The following TMEM163 variants were observed in gnomAD, a reference collection of about 807,000 sequenced individuals.
The protein encoded by TMEM163 is transmembrane protein 163.
TMEM163 carries 17 observed loss-of-function variants against 29.3 expected under a neutral mutation model. The observed-to-expected ratio is 0.58, with a 90% CI of 0.40 to 0.87. The LOEUF is 0.87. TMEM163 is among the 40% of genes least tolerant of loss of function. The pLI is 0.00. For synonymous variants in TMEM163, 157 were observed against 160.6 expected (o/e 0.98, Z 0.17); for missense variants, 303 against 381.5 (o/e 0.79, Z 1.71).
At chr2:134,588,697 G>C (rs1681873219) in intron 2 of TMEM163, among the ~76,000 whole-genome samples, 1 of 152,180 alleles carries the variant, frequency 6.6e-6, no homozygotes, top group Non-Finnish European at 1.5e-5. Context: ...CATGGACCCT[G>C]ACCCCTACAA....
chr2:134,581,177 T>C (rs778656693), intron 2 of TMEM163, among the ~76,000 whole-genome samples: 2 of 152,226 alleles, frequency 1.3e-5, no homozygotes, highest in African/African-American at 4.8e-5. Context: ...TATATACATT[T>C]GCTTCCTGAG....
rs138924134 is a variant in TMEM163, at chr2:134,585,729, G to C, written c.323-33638C>G. Among the ~76,000 whole-genome samples the C allele has an allele frequency of 1.6e-3, 221 of 138,262 alleles. 3 individuals are homozygous for C. In the East Asian group the frequency reaches 0.028, roughly 18 times the overall value. The allele number at this position is 138,262 out of a possible 152,430, so 90.7% of individuals were successfully genotyped here. A position where few individuals can be genotyped will look rare whatever the true frequency, so the allele number is the denominator to read the frequency against. On this transcript the variant is annotated intron_variant, in intron 2 of 7. Coordinates refer to ENST00000281924, the MANE Select transcript of TMEM163 (RefSeq NM_030923.5). ...TGCACTCCAGCCTGGGCGACAGAGC[G>C]AGACTCCGTCTCAAAAAAAAAAAAA...
chr2:134,704,178 AC>A (rs1250797527), intron 2 of TMEM163, among the ~76,000 whole-genome samples: 1 of 152,062 alleles, frequency 6.6e-6, no homozygotes, highest in Non-Finnish European at 1.5e-5. Context: ...GGTATTTCCA[AC>A]CTAGGACCAT....
chr2:134,515,688 TGTTA>T (rs1391505708), intron 4 of TMEM163, among the ~76,000 whole-genome samples: 1 of 152,178 alleles, frequency 6.6e-6, no homozygotes, highest in Non-Finnish European at 1.5e-5. Context: ...AAATTTTTTT[TGTTA>T]AAGATAAATG....
chr2:134,473,792 A>G (rs763426184), intron 5 of TMEM163, among the ~76,000 whole-genome samples: 2 of 152,218 alleles, frequency 1.3e-5, no homozygotes, highest in Non-Finnish European at 2.9e-5. Context: ...AACTTAGAAG[A>G]AATAGACAAA....
chr2:134,643,949 C>T (rs553514496), intron 2 of TMEM163, among the ~76,000 whole-genome samples: 1 of 152,024 alleles, frequency 6.6e-6, no homozygotes, highest in South Asian at 2.1e-4. Context: ...AAGATAAACA[C>T]ACTAAAACCA....
chr2:134,488,248 C>T (rs1473943729), intron 5 of TMEM163, among the ~76,000 whole-genome samples: 1 of 152,190 alleles, frequency 6.6e-6, no homozygotes, highest in Non-Finnish European at 1.5e-5. Context: ...TCTTGAACTC[C>T]TGATCTCAGA....
chr2:134,513,463 A>T (rs553878309), intron 4 of TMEM163, among the ~76,000 whole-genome samples: 2 of 152,364 alleles, frequency 1.3e-5, no homozygotes, highest in African/African-American at 4.8e-5. Flanking sequence ...TGAAGGTTCC[A>T]CGACGGATCC....
intron 4 of TMEM163, among the ~76,000 whole-genome samples, chr2:134,521,653 G>T (rs1680191345): frequency 6.6e-6 from 1 of 152,310 alleles, no homozygotes; most frequent in Admixed American, 6.5e-5. Context: ...ACCAAATTGG[G>T]TAACATGTGG....
At chr2:134,713,376 CG>C in intron 1 of TMEM163, 57 bp from the exon 2 acceptor site, 1 of 1,605,370 alleles carries the variant, frequency 6.2e-7, no homozygotes, top group South Asian at 1.1e-5. Flanking sequence ...AAACCCACAG[CG>C]AGAGCTACAA....
At chr2:134,520,408 T>C (rs1034787139) in intron 4 of TMEM163, among the ~76,000 whole-genome samples, 6 of 152,244 alleles carry the variant, frequency 3.9e-5, no homozygotes, top group African/African-American at 1.4e-4. Context: ...AACCTGTGTC[T>C]GGCTACTTAC....
At chr2:134,714,428 G>A (rs547541332) in intron 1 of TMEM163, among the ~76,000 whole-genome samples, 12 of 152,242 alleles carry the variant, frequency 7.9e-5, no homozygotes, top group Non-Finnish European at 1.2e-4. Flanking sequence ...TCACACCTAC[G>A]CATCACATAA....
intron 5 of TMEM163, among the ~76,000 whole-genome samples, chr2:134,498,895 A>C (rs181986719): frequency 2.0e-4 from 30 of 152,348 alleles, no homozygotes; most frequent in South Asian, 1.2e-3. Context: ...CCCATGTGCC[A>C]GGGCCAAGAT....
chr2:134,716,734 A>C (rs1285175040), intron 1 of TMEM163, among the ~76,000 whole-genome samples: 1 of 152,014 alleles, frequency 6.6e-6, no homozygotes, highest in African/African-American at 2.4e-5. Context: ...GCCCCATAAG[A>C]AAAAAAATAA....
rs148528800 is a variant in TMEM163 at position 134,567,473 on chromosome 2, C to T, written c.323-15382G>A. On this transcript the variant is annotated intron_variant, in intron 2 of 7. Transcript: ENST00000281924. ...TTGGGAGGCCGAGGCGGGAGGATCA[C>T]CTGAGGTCAGGAGTTCTAGACCAGC... Among the ~76,000 whole-genome samples the T allele has an allele frequency of 3.4e-3, 513 of 152,256 alleles. 4 individuals carry two copies. The highest frequency in any genetic ancestry group is 0.025 in the South Asian group (121 of 4,814).
intron 2 of TMEM163, among the ~76,000 whole-genome samples, chr2:134,689,005 A>G (rs1684403695): frequency 1.3e-5 from 2 of 152,208 alleles, no homozygotes; most frequent in South Asian, 2.1e-4. Flanking sequence ...TTTATTACCA[A>G]GTATAATATT....
At chr2:134,638,727 G>C (rs1042754709) in intron 2 of TMEM163, among the ~76,000 whole-genome samples, 1 of 152,210 alleles carries the variant, frequency 6.6e-6, no homozygotes, top group Non-Finnish European at 1.5e-5. Context: ...GAGGAAAGGA[G>C]AGGGGAGAAC....
At chr2:134,557,705 G>C (rs1272301835) in intron 2 of TMEM163, among the ~76,000 whole-genome samples, 1 of 152,134 alleles carries the variant, frequency 6.6e-6, no homozygotes, top group Non-Finnish European at 1.5e-5. Context: ...TGCCCAGCTT[G>C]GTGAAACAAC....
intron 2 of TMEM163, among the ~76,000 whole-genome samples, chr2:134,563,913 G>A (rs549649056): frequency 3.6e-4 from 55 of 152,272 alleles, no homozygotes; most frequent in Admixed American, 1.3e-3. Context: ...AACCTTAGGC[G>A]TGGTGGTGGG....
Sources: allele counts gnomAD v4.1 joint callset (sites outside exome capture counted in the v4.1 genomes callset), GRCh38; gene constraint gnomAD v4.1.1; transcripts MANE v1.5; gene names NCBI Gene and HGNC (gene_info 2026-07-23, HGNC 2026-07-21).